The following THBS3 variants were observed in gnomAD, a reference collection of about 807,000 sequenced individuals.
THBS3 encodes the protein thrombospondin-3.
Under a neutral mutation model 118.3 loss-of-function variants are expected in THBS3, and 78 were observed. The ratio of observed to expected loss-of-function variants is 0.66; its 90% CI spans 0.55 to 0.80. The LOEUF is 0.80. Ranked by LOEUF, THBS3 falls within the 30% of genes least tolerant of loss-of-function variation. The probability of loss-of-function intolerance (pLI) is 0.00; values close to 1 mark genes in which losing one functional copy is unlikely to be tolerated. For missense variants in THBS3, 1,057 were observed against 1,247.4 expected (o/e 0.85, Z 2.30); for synonymous variants, 427 against 475.3 (o/e 0.90, Z 1.32).
intron 1 of THBS3, among the ~76,000 whole-genome samples, chr1:155,207,447 G>A (rs564716386): frequency 1.3e-5 from 2 of 151,814 alleles, no homozygotes; most frequent in South Asian, 2.1e-4. Context: ...CCAGGGGGAC[G>A]AAGCCCAGGG....
Position 155,203,507 on chromosome 1 carries a change from A to G in THBS3, c.673+6T>C, listed in dbSNP as rs1484926229. 2.5e-6 allele frequency: 4 copies of G among 1,613,532 alleles called. No homozygotes were observed. Among genetic ancestry groups the G allele is most frequent in the South Asian group, 1.1e-5 (1 of 90,956 alleles). ...CCCCGCTTCCGCTTCAGTGTGGCCT[A>G]CTCACCTAGAATGGAGTGCAGTGCA... is the stretch of plus-strand genomic sequence containing the variant. On this transcript the variant is annotated splice_donor_region_variant and intron_variant, in intron 5 of 22. Coordinates refer to ENST00000368378, the MANE Select transcript of THBS3 (RefSeq NM_007112.5).
In THBS3 at chr1:155,202,928, T is replaced by G; in HGVS notation, c.841A>C (p.Asn281His). 1 of 1,613,954 alleles carries G rather than the reference T, an allele frequency of 6.2e-7. No homozygotes were observed. Among genetic ancestry groups the G allele is most frequent in the Non-Finnish European group, 8.5e-7 (1 of 1,180,008 alleles). ...CAGTCCACACCTCGGAAGCAGGGAT[T>G]GGGGCTGCAGTGGGAACGCTGCTCA... is the stretch of plus-strand genomic sequence containing the variant. ...FHEQRSHCSP[N>H]PCFRGVDCME... is the part of the protein sequence containing the mutation. Residue 281 changes from asparagine to histidine, a missense_variant, in exon 8 of 23, where the codon AAT becomes CAT. This residue lies in a region of THBS3 where 544 missense variants were observed against 715.6 expected (regional missense o/e 0.76). Coordinates refer to ENST00000368378, the MANE Select transcript of THBS3 (RefSeq NM_007112.5). This position sits in a 1 kb window ranked among gnomAD's most constrained non-coding sequence, Gnocchi z 5.5.
In THBS3 at chr1:155,206,679, G is replaced by GA. The variant is rs1022034823; in HGVS notation, c.80-274dup. Among the ~76,000 whole-genome samples the GA allele has an allele frequency of 2.8e-4, 42 of 149,900 alleles. No individual in the cohort carries two copies. The highest frequency in any genetic ancestry group is 5.9e-4 in the East Asian group (3 of 5,116). The stretch of plus-strand genomic sequence containing the variant: ...AAAATACAAAAACAACAACAAAAAA[G>GA]AAAAAAAAACCACCTAGCCGGGCGT... On this transcript the variant is annotated intron_variant, in intron 1 of 22. Coordinates refer to ENST00000368378, the MANE Select transcript of THBS3 (RefSeq NM_007112.5). This position sits in a 1 kb window ranked among gnomAD's most constrained non-coding sequence, Gnocchi z 4.2.
rs184129729 is a variant in THBS3, at chr1:155,198,354, C to T, written c.2074+55G>A. 4.0e-3 allele frequency: 6,358 copies of T among 1,593,242 alleles called. 24 individuals are homozygous for T. Among genetic ancestry groups the T allele is most frequent in the Non-Finnish European group, 4.5e-3 (5,235 of 1,167,090 alleles). ...CTCACTTCCCAACAGGGCTTGCTGCCTCCACCTGGGCAAAGGCAACACCAG... is the reference window on the plus strand; with the variant it reads ...CTCACTTCCCAACAGGGCTTGCTGCTTCCACCTGGGCAAAGGCAACACCAG... On this transcript the variant is annotated intron_variant, in intron 17 of 22. Coordinates refer to ENST00000368378, the MANE Select transcript of THBS3 (RefSeq NM_007112.5).
In THBS3 at chr1:155,205,232, G is replaced by C. The variant is rs772803086; in HGVS notation, c.371C>G (p.Thr124Arg). 1.2e-6 allele frequency: 2 copies of C among 1,614,142 alleles called. No homozygotes were observed. Among genetic ancestry groups the C allele is most frequent in the African/African-American group, 1.3e-5 (1 of 75,076 alleles). ...GGGACCTCGGAGTCGCAGGAGAACTGTGTGTGTGCGCCCATCAGCCAGGCC... is the reference window on the plus strand; with the variant it reads ...GGGACCTCGGAGTCGCAGGAGAACTCTGTGTGTGCGCCCATCAGCCAGGCC... Reference protein sequence around the residue: ...QAGLADGRTHTVLLRLRGPSR... With the variant: ...QAGLADGRTHRVLLRLRGPSR... The change falls in exon 3 of 23, where the codon ACA becomes AGA. Residue 124 changes from threonine to arginine, a missense_variant. This residue lies in a region of THBS3 where 206 missense variants were observed against 205.7 expected (regional missense o/e 1.00). Coordinates refer to ENST00000368378, the MANE Select transcript of THBS3 (RefSeq NM_007112.5).
At chr1:155,208,715 T>G, upstream of THBS3, 653 of 586,652 alleles carry the variant, frequency 1.1e-3, no homozygotes, top group Non-Finnish European at 1.4e-3. Flanking sequence ...CAGCCCGGCC[T>G]CCGCTCCGGC....
Position 155,207,888 on chromosome 1 carries a change from G to T in THBS3, c.-12C>A. On this transcript the variant is annotated 5_prime_UTR_variant, in exon 1 of 23. Transcript: ENST00000368378. ...TCCTGCGTCTCCATGCCTCTCAGCC[G>T]GCTCACTACCCCTGGCAGGCAGGCA... is the stretch of plus-strand genomic sequence containing the variant. 3 of 1,613,528 alleles carry T rather than the reference G, an allele frequency of 1.9e-6. No homozygotes were observed. The highest frequency in any genetic ancestry group is 2.5e-6 in the Non-Finnish European group (3 of 1,179,856).
chr1:155,204,279 C>T (rs925482719), intron 4 of THBS3, among the ~76,000 whole-genome samples: 1 of 152,082 alleles, frequency 6.6e-6, no homozygotes, highest in African/African-American at 2.4e-5. Flanking sequence ...TGACAGCTGC[C>T]AGTGAGAACT....
In THBS3 at chr1:155,198,025, C is replaced by G. The variant is rs751061223; in HGVS notation, c.2253+17G>C. ...CCCTGTCTGATAGCACCTGCCCAGCCCACTGCCCCGAGTTACCTGGTTGAG... is the reference window on the plus strand; with the variant it reads ...CCCTGTCTGATAGCACCTGCCCAGCGCACTGCCCCGAGTTACCTGGTTGAG... On this transcript the variant is annotated intron_variant, in intron 18 of 22. Transcript: ENST00000368378. The G allele has an allele frequency of 3.3e-5, 54 of 1,614,054 alleles. No homozygotes were observed. The highest frequency in any genetic ancestry group is 4.2e-5 in the Non-Finnish European group (50 of 1,180,024).
chr1:155,208,823 C>G (rs377309496), upstream of THBS3: 22 of 1,574,016 alleles, frequency 1.4e-5, no homozygotes, highest in Non-Finnish European at 1.7e-5. Context: ...CGGGGGACCC[C>G]CCCGCAGTCC....
chr1:155,207,955 G>C (rs1488628429), upstream of THBS3: 21 of 1,324,626 alleles, frequency 1.6e-5, no homozygotes, highest in Admixed American at 4.1e-5. Flanking sequence ...CAGGAGCCGG[G>C]GGGCGGAGGG....
At position 155,203,150 on chromosome 1, in the gene THBS3, G is replaced by A. The variant is rs765692899; in HGVS notation, c.757-13C>T. On this transcript the variant is annotated splice_polypyrimidine_tract_variant and intron_variant, in intron 6 of 22. Coordinates refer to ENST00000368378, the MANE Select transcript of THBS3 (RefSeq NM_007112.5). ...ACATTTCCTTCACCTGGAGAAGGAT[G>A]GGGAGGAGTCAGCACTTGACATCTG... 6.1e-5 allele frequency: 99 copies of A among 1,614,086 alleles called. No homozygotes were observed. The highest frequency in any genetic ancestry group is 2.7e-5 in the African/African-American group (2 of 74,916).
chr1:155,199,716 CTG>C (rs1414287395), intron 16 of THBS3, 86 bp downstream of exon 16: 25 of 1,455,190 alleles, frequency 1.7e-5, no homozygotes, highest in Non-Finnish European at 2.4e-5. Flanking sequence ...GATCGTGCCA[CTG>C]TACTCCAGCC....
chr1:155,203,381 C>T, intron 5 of THBS3, 76 bp from the exon 6 acceptor site: 7 of 1,588,832 alleles, frequency 4.4e-6, no homozygotes, highest in Non-Finnish European at 6.0e-6. Context: ...TAAGCCAGTA[C>T]CTGCCACGGC....
At chr1:155,208,879 C>A, upstream of THBS3, 5 of 1,611,708 alleles carry the variant, frequency 3.1e-6, no homozygotes, top group Non-Finnish European at 4.2e-6. Flanking sequence ...GTACAGGCCA[C>A]GTGCAGTTTG....
At chr1:155,208,853 A>C (rs766966387), upstream of THBS3, 1 of 1,599,354 alleles carries the variant, frequency 6.3e-7, no homozygotes, top group South Asian at 1.1e-5. Context: ...GACGAGCCCC[A>C]AGGGGCCCTG....
rs1571910178 is a variant in THBS3, at chr1:155,203,212, C to T, written c.756+11G>A. The T allele has an allele frequency of 4.3e-6, 7 of 1,614,194 alleles. No homozygotes were observed. The highest frequency in any genetic ancestry group is 3.3e-5 in the South Asian group (3 of 91,088). On this transcript the variant is annotated intron_variant, in intron 6 of 22. Coordinates refer to ENST00000368378, the MANE Select transcript of THBS3 (RefSeq NM_007112.5). The stretch of plus-strand genomic sequence containing the variant: ...CAGAATCAGTGCCACCCTTCGCCAG[C>T]CCACCCAAACCTGGTCTCGTATATC...
At chr1:155,207,042 T>G (rs752759562) in intron 1 of THBS3, among the ~76,000 whole-genome samples, 16 of 152,182 alleles carry the variant, frequency 1.1e-4, no homozygotes, top group African/African-American at 1.4e-4. Context: ...GATGCTGTGC[T>G]GATCCCCCAC....
At position 155,202,345 on chromosome 1, in the gene THBS3, G is replaced by A. The variant is rs1319958729; in HGVS notation, c.1014C>T (p.Gly338=). ...CTCGAGGACAGGCCTCACAGTGGAA[G>A]CCGGGCATGGTGTTGATGCAGCTGG... ...PGSSCINTMP[G]FHCEACPRGY... is the part of the protein sequence containing the mutation. Residue 338 remains glycine (G), a synonymous_variant, in exon 9 of 23, where the codon GGC becomes GGT. Transcript: ENST00000368378. This position sits in a 1 kb window ranked among gnomAD's most constrained non-coding sequence, Gnocchi z 5.5. 3 of 1,613,968 alleles carry A rather than the reference G, an allele frequency of 1.9e-6. No homozygotes were observed. The highest frequency in any genetic ancestry group is 2.7e-5 in the African/African-American group (2 of 74,934).
Sources: gnomAD v4.1 joint callset for allele counts (sites outside exome capture counted in the v4.1 genomes callset) on GRCh38, gnomAD v4.1.1 for gene constraint, gnomAD v4.1.1 regional missense constraint, Gnocchi (gnomAD v3.1) non-coding constraint, MANE v1.5 for transcripts, NCBI Gene and HGNC (gene_info 2026-07-23, HGNC 2026-07-21) for gene names.